The following WDR70 variants were observed in gnomAD, a reference collection of about 807,000 sequenced individuals.
The protein encoded by WDR70 is WD repeat domain 70, also known as WD repeat-containing protein 70.
In WDR70, 53 loss-of-function variants were observed where a neutral mutation model predicts 88.6. That is an observed-to-expected ratio of 0.60 (90% CI 0.48 to 0.75). WDR70 has a LOEUF of 0.75. Ranked by LOEUF, WDR70 falls within the 30% of genes least tolerant of loss-of-function variation. WDR70 has a pLI of 0.00. For synonymous variants in WDR70, 280 were observed against 270.0 expected, an observed-to-expected ratio of 1.04 and a Z score of -0.36; for missense variants, 610 against 823.2, an observed-to-expected ratio of 0.74 and a Z score of 3.17.
At chr5:37,708,258 A>G (rs1173698000) in intron 13 of WDR70, among the ~76,000 whole-genome samples, 1 of 151,436 alleles carries the variant, frequency 6.6e-6, no homozygotes, top group African/African-American at 2.4e-5. Flanking sequence ...AATATTAAGT[A>G]TCTGGTGTGT....
intron 9 of WDR70, among the ~76,000 whole-genome samples, chr5:37,574,972 A>C (rs1487134129): frequency 4.6e-5 from 7 of 152,064 alleles, no homozygotes; most frequent in African/African-American, 1.7e-4. Context: ...CATCATGTGG[A>C]CTCTGCAGTG....
At chr5:37,510,207 T>A (rs1740683434) in intron 8 of WDR70, among the ~76,000 whole-genome samples, 1 of 152,138 alleles carries the variant, frequency 6.6e-6, no homozygotes, top group Non-Finnish European at 1.5e-5. Context: ...ATTGCTAACA[T>A]TTTGTCTCAT....
rs1210752349 is a variant in WDR70 at position 37,449,617 on chromosome 5, AT to A, written c.686+6246del. On this transcript the variant is annotated intron_variant, in intron 7 of 17. Transcript: ENST00000265107. ...AAAAAAAAAAAATAAAAAATAAAAA[AT>A]AAATAAATAAATAAATAAAATCAAA... Among the ~76,000 whole-genome samples, 468 of 128,266 alleles carry A rather than the reference AT, an allele frequency of 3.6e-3. 9 individuals carry two copies. The highest frequency in any genetic ancestry group is 0.012 in the African/African-American group (437 of 37,706). 84.1% of individuals were successfully genotyped at this position (128,266 alleles called of 152,430 possible).
At chr5:37,527,985 G>A (rs926343511) in intron 9 of WDR70, among the ~76,000 whole-genome samples, 1 of 152,164 alleles carries the variant, frequency 6.6e-6, no homozygotes, top group Non-Finnish European at 1.5e-5. Context: ...AACAATGGGT[G>A]CTGGAGAGGA....
chr5:37,457,137 C>T (rs1441952445), intron 7 of WDR70, among the ~76,000 whole-genome samples: 3 of 152,108 alleles, frequency 2.0e-5, no homozygotes, highest in Admixed American at 2.0e-4. Context: ...GCTCTGTCGC[C>T]TGGGCTGGAG....
chr5:37,503,760 T>C lies in WDR70; in HGVS notation c.841-12754T>C, dbSNP rs1581344325. Reference sequence around the variant, plus strand: ...CCTGGTCCTGAGTTTTGTTTTTTTTTTCTTGGTTGGCTATTTTTTAAATTA... The same window carrying C: ...CCTGGTCCTGAGTTTTGTTTTTTTTCTCTTGGTTGGCTATTTTTTAAATTA... On this transcript the variant is annotated intron_variant, in intron 8 of 17. Transcript: ENST00000265107. Among the ~76,000 whole-genome samples, 4 of 152,312 alleles carry C rather than the reference T, an allele frequency of 2.6e-5. No individual in the cohort carries two copies. The South Asian group carries it at 8.3e-4, about 32-fold the overall frequency.
chr5:37,723,713 A>G (rs1747891190), intron 15 of WDR70: 1 of 152,240 alleles, frequency 6.6e-6, no homozygotes, highest in Admixed American at 6.5e-5. Flanking sequence ...GCTTATGACC[A>G]GTAAAGAGAT....
chr5:37,675,479 C>G (rs1198384052), intron 10 of WDR70, among the ~76,000 whole-genome samples: 1 of 152,088 alleles, frequency 6.6e-6, no homozygotes, highest in Non-Finnish European at 1.5e-5. Flanking sequence ...AGCACCATTT[C>G]TTAAGTAGGG....
In WDR70 at chr5:37,715,670, A is replaced by C. The variant is rs191972785; in HGVS notation, c.1417-5445A>C. On this transcript the variant is annotated intron_variant, in intron 13 of 17. Transcript: ENST00000265107. ...AAGGCTTTGGGAGAGAGTGGAGGGAACAAAGACAGGACAAATAGCCTGGAA... is the reference window on the plus strand; with the variant it reads ...AAGGCTTTGGGAGAGAGTGGAGGGACCAAAGACAGGACAAATAGCCTGGAA... Among the ~76,000 whole-genome samples, 39 of 152,310 alleles carry C rather than the reference A, an allele frequency of 2.6e-4. No individual in the cohort carries two copies. In the East Asian group the frequency reaches 6.4e-3, roughly 25 times the overall value.
chr5:37,616,122 A>G (rs61359564), intron 10 of WDR70, among the ~76,000 whole-genome samples: 1,617 of 152,114 alleles, frequency 0.011, 33 homozygotes, highest in African/African-American at 0.037. Flanking sequence ...CTCCATAATC[A>G]AAACACTTTT....
At chr5:37,383,140 C>T (rs970376827) in intron 3 of WDR70, among the ~76,000 whole-genome samples, 3 of 152,014 alleles carry the variant, frequency 2.0e-5, no homozygotes, top group South Asian at 4.1e-4. Flanking sequence ...AAACGTTGTA[C>T]AGCAGCAATA....
intron 10 of WDR70, among the ~76,000 whole-genome samples, chr5:37,611,884 A>G (rs536274140): frequency 6.6e-6 from 1 of 151,708 alleles, no homozygotes; most frequent in African/African-American, 2.4e-5. Context: ...TATAGTCGAT[A>G]AGTATCCTTT....
At chr5:37,724,756 A>G in intron 15 of WDR70, 178 bp from the exon 16 acceptor site, 1 of 615,756 alleles carries the variant, frequency 1.6e-6, no homozygotes. Flanking sequence ...AGAGGTGACC[A>G]GTGAGTCTGG....
intron 7 of WDR70, among the ~76,000 whole-genome samples, chr5:37,468,610 C>A (rs1739232973): frequency 6.6e-6 from 1 of 151,906 alleles, no homozygotes; most frequent in Non-Finnish European, 1.5e-5. Context: ...AATTCAAAAT[C>A]TACTCTTCTG....
At position 37,677,882 on chromosome 5, in the gene WDR70, T is replaced by A. The variant is rs577121634; in HGVS notation, c.1093-19773T>A. Among the ~76,000 whole-genome samples, 16 of 152,334 alleles carry A rather than the reference T, an allele frequency of 1.1e-4. No individual in the cohort carries two copies. The South Asian group carries it at 3.1e-3, about 30-fold the overall frequency. ...GTGGGAGTCTAAATCTCTTTGTAGGTCACTCAGGACTTGCTTTATGAATCT... is the reference window on the plus strand; with the variant it reads ...GTGGGAGTCTAAATCTCTTTGTAGGACACTCAGGACTTGCTTTATGAATCT... On this transcript the variant is annotated intron_variant, in intron 10 of 17. Coordinates refer to ENST00000265107, the MANE Select transcript of WDR70 (RefSeq NM_018034.4).
chr5:37,528,826 CATTT>C (rs1741388745), intron 9 of WDR70, among the ~76,000 whole-genome samples: 1 of 149,374 alleles, frequency 6.7e-6, no homozygotes, highest in South Asian at 2.1e-4. Flanking sequence ...AATTGAGTCC[CATTT>C]ATTTATCTTT....
intron 9 of WDR70, among the ~76,000 whole-genome samples, chr5:37,531,591 T>TTC (rs751568491): frequency 0.083 from 1,309 of 15,768 alleles, 17 homozygotes; most frequent in Non-Finnish European, 0.12. Flanking sequence ...GTTTTTCTTT[T>TTC]TTTTTTTTTT....
chr5:37,544,389 A>G (rs1741924809), intron 9 of WDR70, among the ~76,000 whole-genome samples: 1 of 152,142 alleles, frequency 6.6e-6, no homozygotes, highest in South Asian at 2.1e-4. Flanking sequence ...AGTCAATAAC[A>G]TATGTTATAC....
chr5:37,698,121 T>C (rs555916710), intron 11 of WDR70, among the ~76,000 whole-genome samples: 3 of 152,318 alleles, frequency 2.0e-5, no homozygotes, highest in East Asian at 1.9e-4. Flanking sequence ...CAAAGTCTTC[T>C]ATTTGTTGCT....
Sources: gnomAD v4.1 joint callset for allele counts (sites outside exome capture counted in the v4.1 genomes callset) on GRCh38, gnomAD v4.1.1 for gene constraint, MANE v1.5 for transcripts, NCBI Gene and HGNC (gene_info 2026-07-23, HGNC 2026-07-21) for gene names.